Variants in CCDC6 observed in about 807,000 individuals in gnomAD.
CCDC6 encodes the protein coiled-coil domain containing 6.
In CCDC6, 20 loss-of-function variants were observed where a neutral mutation model predicts 56.6. The ratio of observed to expected loss-of-function variants is 0.35; its 90% CI spans 0.25 to 0.51. CCDC6 has a LOEUF of 0.51. Ranked by LOEUF, CCDC6 falls within the 20% of genes least tolerant of loss-of-function variation. CCDC6 has a pLI of 0.95. For synonymous variants in CCDC6, 241 were observed against 234.4 expected, an observed-to-expected ratio of 1.03 and a Z score of -0.26; for missense variants, 367 against 601.1, an observed-to-expected ratio of 0.61 and a Z score of 4.07.
At chr10:59,814,856 T>C (rs2070699380) in intron 3 of CCDC6, 101 bp from the exon 4 acceptor site, 2 of 727,600 alleles carry the variant, frequency 2.7e-6, no homozygotes, top group Non-Finnish European at 2.4e-6. Flanking sequence ...TGGAGAATAC[T>C]GCAAACATGT....
rs1435251690 is a variant in CCDC6, at chr10:59,792,602, A to C, written c.*315T>G. ...TACAAACCTAAAAGCCAGGAGAATG[A>C]AGCTCTGGGCCAAGCAAAAATTGCA... On this transcript the variant is annotated 3_prime_UTR_variant, in exon 9 of 9. Coordinates refer to ENST00000263102, the MANE Select transcript of CCDC6 (RefSeq NM_005436.5). The C allele has an allele frequency of 3.0e-6, 2 of 670,124 alleles. No individual in the cohort carries two copies. The highest frequency in any genetic ancestry group is 1.4e-5 in the South Asian group (1 of 72,354). 41.5% of individuals were successfully genotyped at this position (670,124 alleles called of 1,614,324 possible).
At chr10:59,799,339 C>T (rs1019132725) in intron 7 of CCDC6, among the ~76,000 whole-genome samples, 5 of 151,590 alleles carry the variant, frequency 3.3e-5, no homozygotes, top group South Asian at 2.1e-4. Context: ...GCTGTAATCC[C>T]AGCTTAAACC....
intron 1 of CCDC6, among the ~76,000 whole-genome samples, chr10:59,861,322 G>A (rs1016490924): frequency 6.6e-6 from 1 of 151,458 alleles, no homozygotes; most frequent in Non-Finnish European, 1.5e-5. Flanking sequence ...TCGTGCCACT[G>A]CACTCTAGCC....
chr10:59,824,909 T>A (rs190216576), intron 3 of CCDC6, among the ~76,000 whole-genome samples: 1 of 152,250 alleles, frequency 6.6e-6, no homozygotes, highest in Non-Finnish European at 1.5e-5. Context: ...AAAGTATGCA[T>A]GGTAGTCACT....
intron 3 of CCDC6, among the ~76,000 whole-genome samples, chr10:59,818,284 G>A (rs953547327): frequency 6.6e-6 from 1 of 152,044 alleles, no homozygotes; most frequent in Non-Finnish European, 1.5e-5. Flanking sequence ...GCTCCTTCCT[G>A]GCATCTGTTG....
At chr10:59,867,865 G>A (rs974360298) in intron 1 of CCDC6, among the ~76,000 whole-genome samples, 31 of 151,946 alleles carry the variant, frequency 2.0e-4, no homozygotes, top group East Asian at 5.8e-4. Flanking sequence ...CACTGTCCCC[G>A]GCCAAGAAAA....
chr10:59,846,516 G>A (rs1361190044), intron 2 of CCDC6, among the ~76,000 whole-genome samples: 2 of 152,112 alleles, frequency 1.3e-5, no homozygotes, highest in East Asian at 3.8e-4. Context: ...CAGGAGCCAA[G>A]TCAATAATAA....
chr10:59,842,750 A>AT (rs3043541), intron 2 of CCDC6, among the ~76,000 whole-genome samples: 2,281 of 115,534 alleles, frequency 0.02, 60 homozygotes, highest in African/African-American at 0.058. Context: ...ATGGAAGACA[A>AT]TTTTTTTTTT....
chr10:59,803,610 C>A (rs1399859152), intron 7 of CCDC6, among the ~76,000 whole-genome samples: 1 of 152,226 alleles, frequency 6.6e-6, no homozygotes, highest in Non-Finnish European at 1.5e-5. Flanking sequence ...TGGCCACCCA[C>A]TCCACCCTCT....
chr10:59,807,341 T>C (rs10994024), intron 5 of CCDC6, among the ~76,000 whole-genome samples: 74,505 of 151,784 alleles, frequency 0.49, 19,185 homozygotes, highest in African/African-American at 0.66. Flanking sequence ...AAACATTAGC[T>C]GGGCGTGGTG....
At chr10:59,884,158 A>G (rs2132677399) in intron 1 of CCDC6, among the ~76,000 whole-genome samples, 1 of 152,356 alleles carries the variant, frequency 6.6e-6, no homozygotes, top group East Asian at 1.9e-4. Flanking sequence ...TTTAATGTTA[A>G]GAAAGTTGAC....
At chr10:59,826,305 C>T (rs2070787344) in intron 3 of CCDC6, among the ~76,000 whole-genome samples, 1 of 152,158 alleles carries the variant, frequency 6.6e-6, no homozygotes, top group African/African-American at 2.4e-5. Flanking sequence ...CTATATAGTA[C>T]CTGCAAATAC....
chr10:59,861,005 G>C (rs548824650), intron 1 of CCDC6, among the ~76,000 whole-genome samples: 11 of 152,118 alleles, frequency 7.2e-5, no homozygotes, highest in African/African-American at 2.4e-4. Flanking sequence ...GACCAGCCTG[G>C]CCAACATGGT....
At chr10:59,844,400 A>G (rs2070970346) in intron 2 of CCDC6, among the ~76,000 whole-genome samples, 1 of 147,668 alleles carries the variant, frequency 6.8e-6, no homozygotes, top group African/African-American at 2.6e-5. Flanking sequence ...TAACATCTTT[A>G]AAAAAAATCT....
intron 5 of CCDC6, among the ~76,000 whole-genome samples, chr10:59,809,578 A>C (rs1353340813): frequency 6.6e-6 from 1 of 152,074 alleles, no homozygotes; most frequent in Non-Finnish European, 1.5e-5. Flanking sequence ...GCCTCACCTG[A>C]CCAGATTTGT....
intron 1 of CCDC6, among the ~76,000 whole-genome samples, chr10:59,875,950 T>C (rs542999931): frequency 2.6e-5 from 4 of 151,420 alleles, no homozygotes; most frequent in African/African-American, 2.4e-5. Context: ...TATACTCCTA[T>C]CAAAATACTA....
intron 1 of CCDC6, among the ~76,000 whole-genome samples, chr10:59,873,427 T>C (rs1318020338): frequency 1.3e-5 from 2 of 152,126 alleles, no homozygotes; most frequent in Admixed American, 1.3e-4. Context: ...CGCCTGGAGA[T>C]ACTAGAAACT....
At chr10:59,880,561 C>T (rs2071324625) in intron 1 of CCDC6, among the ~76,000 whole-genome samples, 1 of 152,146 alleles carries the variant, frequency 6.6e-6, no homozygotes, top group Non-Finnish European at 1.5e-5. Flanking sequence ...TATTCTGTTT[C>T]GTGATCTGGG....
chr10:59,797,167 G>T (rs1298606854), intron 7 of CCDC6, among the ~76,000 whole-genome samples: 3 of 152,106 alleles, frequency 2.0e-5, no homozygotes, highest in Admixed American at 1.3e-4. Context: ...GACAAATCCT[G>T]CCTGGTTCCA....
Sources: allele counts gnomAD v4.1 joint callset (sites outside exome capture counted in the v4.1 genomes callset), GRCh38; gene constraint gnomAD v4.1.1; transcripts MANE v1.5; gene names NCBI Gene and HGNC (gene_info 2026-07-23, HGNC 2026-07-21).